CDK6: variants seen among roughly 807,000 people sequenced by gnomAD.
CDK6 encodes the protein cyclin dependent kinase 6, also known as cyclin-dependent kinase 6.
Under a neutral mutation model 37.1 loss-of-function variants are expected in CDK6, and 6 were observed. That is an observed-to-expected ratio of 0.16 (90% confidence interval 0.09 to 0.32). The LOEUF (loss-of-function observed/expected upper bound fraction) is 0.32. Among genes scored for constraint, CDK6 ranks in the 10% least tolerant of loss-of-function variants. CDK6 has a pLI of 1.00. For synonymous variants in CDK6, 160 were observed against 161.3 expected (o/e 0.99, Z 0.06); for missense variants, 224 against 418.9 (o/e 0.53, Z 4.06).
At chr7:92,778,305 A>T (rs1351273123) in intron 2 of CDK6, among the ~76,000 whole-genome samples, 1 of 152,210 alleles carries the variant, frequency 6.6e-6, no homozygotes, top group African/African-American at 2.4e-5. Flanking sequence ...TTTTCCTCAC[A>T]TTTATCTACT....
At chr7:92,626,748 G>A (rs1359725611) in intron 5 of CDK6, among the ~76,000 whole-genome samples, 1 of 151,974 alleles carries the variant, frequency 6.6e-6, no homozygotes, top group Non-Finnish European at 1.5e-5. Context: ...ATGGAAATGT[G>A]AACATGACTT....
At chr7:92,736,130 A>C (rs1798781229) in intron 3 of CDK6, among the ~76,000 whole-genome samples, 1 of 152,082 alleles carries the variant, frequency 6.6e-6, no homozygotes. Flanking sequence ...TCTATTTTTG[A>C]GAAAATGACC....
intron 5 of CDK6, among the ~76,000 whole-genome samples, chr7:92,641,552 C>A (rs1340981667): frequency 6.6e-6 from 1 of 152,166 alleles, no homozygotes; most frequent in Non-Finnish European, 1.5e-5. Context: ...ATACTCTTTA[C>A]TCGTATTTTA....
chr7:92,808,088 T>G (rs1466874196), intron 2 of CDK6, among the ~76,000 whole-genome samples: 1 of 152,176 alleles, frequency 6.6e-6, no homozygotes, highest in Non-Finnish European at 1.5e-5. Flanking sequence ...CCCTGTAAAT[T>G]AAAAAGAAAA....
chr7:92,609,932 A>G lies in CDK6; in HGVS notation c.*5208T>C, dbSNP rs565550853. On this transcript the variant is annotated 3_prime_UTR_variant, in exon 8 of 8. Transcript: ENST00000424848. ...TTGTTCAGAACCTAGGTAACAAGTA[A>G]AATATTGAAGTTACAGAACATTATA... The G allele has an allele frequency of 4.3e-6, 1 of 230,522 alleles. No individual in the cohort carries two copies. Among genetic ancestry groups the G allele is most frequent in the Admixed American group, 5.6e-5 (1 of 17,724 alleles). 14.3% of individuals were successfully genotyped at this position (230,522 alleles called of 1,614,324 possible).
intron 2 of CDK6, among the ~76,000 whole-genome samples, chr7:92,798,959 C>G (rs1323492402): frequency 6.6e-6 from 1 of 152,154 alleles, no homozygotes; most frequent in Non-Finnish European, 1.5e-5. Context: ...TGAACTGTGC[C>G]TCTCCACAAT....
intron 3 of CDK6, among the ~76,000 whole-genome samples, chr7:92,758,756 C>G (rs1396952455): frequency 1.3e-5 from 2 of 152,180 alleles, no homozygotes; most frequent in Non-Finnish European, 1.5e-5. Context: ...ATCAATTCTT[C>G]CTATCCATGA....
intron 2 of CDK6, among the ~76,000 whole-genome samples, chr7:92,797,328 A>C (rs1156937140): frequency 2.0e-5 from 3 of 152,202 alleles, no homozygotes; most frequent in African/African-American, 7.2e-5. Context: ...GGAGACAATG[A>C]TTTGGCTGGC....
At position 92,613,181 on chromosome 7, in the gene CDK6, T is replaced by C. The variant is rs975983593; in HGVS notation, c.*1959A>G. ...AGTACAGCAATTAAAAAAGAATAGTTCCCAACCCCAAAAGCTCTTCAGGAG... is the reference window on the plus strand; with the variant it reads ...AGTACAGCAATTAAAAAAGAATAGTCCCCAACCCCAAAAGCTCTTCAGGAG... On this transcript the variant is annotated 3_prime_UTR_variant, in exon 8 of 8. Coordinates refer to ENST00000424848, the MANE Select transcript of CDK6 (RefSeq NM_001145306.2). 2.1e-5 allele frequency: 5 copies of C among 233,210 alleles called. No homozygotes were observed. The highest frequency in any genetic ancestry group is 4.2e-5 in the Non-Finnish European group (5 of 118,030). 14.4% of individuals were successfully genotyped at this position (233,210 alleles called of 1,614,324 possible).
rs535221252 is a variant in CDK6, at chr7:92,627,256, C to T, written c.648-4170G>A. Among the ~76,000 whole-genome samples, 62 of 152,116 alleles carry T rather than the reference C, an allele frequency of 4.1e-4. 1 individual carries two copies. The highest frequency in any genetic ancestry group is 3.4e-3 in the Middle Eastern group (1 of 294). On this transcript the variant is annotated intron_variant, in intron 5 of 7. Coordinates refer to ENST00000424848, the MANE Select transcript of CDK6 (RefSeq NM_001145306.2). ...TTTATATAGACAATGTAAATTTATA[C>T]GAACAGAAAGTAGACTGGTGGTTGC...
chr7:92,731,473 C>T (rs527450238), intron 3 of CDK6, among the ~76,000 whole-genome samples: 1 of 152,308 alleles, frequency 6.6e-6, no homozygotes, highest in Admixed American at 6.5e-5. Context: ...CCAGCAATGC[C>T]ATAGTACCCG....
intron 2 of CDK6, among the ~76,000 whole-genome samples, chr7:92,831,588 CAAAT>C (rs1213831473): frequency 1.3e-5 from 2 of 152,026 alleles, no homozygotes; most frequent in African/African-American, 4.8e-5. Flanking sequence ...TTGTTTTTAA[CAAAT>C]AAAATACACA....
At chr7:92,743,819 A>G (rs1464136541) in intron 3 of CDK6, among the ~76,000 whole-genome samples, 2 of 152,196 alleles carry the variant, frequency 1.3e-5, no homozygotes, top group South Asian at 4.1e-4. Context: ...CAGTAAAAGA[A>G]GCTATACACA....
intron 4 of CDK6, among the ~76,000 whole-genome samples, chr7:92,717,173 T>C (rs1798247155): frequency 1.3e-5 from 2 of 151,082 alleles, no homozygotes; most frequent in South Asian, 4.2e-4. Flanking sequence ...GAGACCCCCA[T>C]CTCTTAAAAA....
intron 5 of CDK6, among the ~76,000 whole-genome samples, chr7:92,657,068 C>T (rs1796715376): frequency 6.6e-6 from 1 of 151,572 alleles, no homozygotes; most frequent in African/African-American, 2.4e-5. Flanking sequence ...TCCCATGTCA[C>T]ATAAAACATA....
intron 3 of CDK6, among the ~76,000 whole-genome samples, chr7:92,746,077 TTAAAGA>T (rs1018547459): frequency 5.9e-5 from 9 of 152,228 alleles, no homozygotes; most frequent in Admixed American, 1.3e-4. Context: ...ACACTGTGCC[TTAAAGA>T]TAATTTCTTA....
intron 2 of CDK6, among the ~76,000 whole-genome samples, chr7:92,813,323 A>C (rs3731272): frequency 1.1e-4 from 16 of 152,108 alleles, no homozygotes; most frequent in Non-Finnish European, 1.9e-4. Flanking sequence ...AGGGAATCAT[A>C]CTGCTTGCTT....
intron 5 of CDK6, among the ~76,000 whole-genome samples, chr7:92,636,491 T>G (rs1304108253): frequency 6.6e-6 from 1 of 152,168 alleles, no homozygotes; most frequent in Non-Finnish European, 1.5e-5. Flanking sequence ...TTATACATTC[T>G]CTAGAGAGGT....
chr7:92,653,899 C>T (rs1796631801), intron 5 of CDK6, among the ~76,000 whole-genome samples: 1 of 152,160 alleles, frequency 6.6e-6, no homozygotes, highest in Admixed American at 6.5e-5. Context: ...AGCCACTGCA[C>T]CCGGCCTCAA....
Sources: gnomAD v4.1 joint callset for allele counts (sites outside exome capture counted in the v4.1 genomes callset) on GRCh38, gnomAD v4.1.1 for gene constraint, MANE v1.5 for transcripts, NCBI Gene and HGNC (gene_info 2026-07-23, HGNC 2026-07-21) for gene names.